Variants in AKAP6 observed in about 807,000 individuals in gnomAD.
AKAP6 encodes A-kinase anchoring protein 6.
A neutral mutation model predicts 188.5 loss-of-function variants in AKAP6; 58 were observed. That is an observed-to-expected ratio of 0.31 (90% CI 0.25 to 0.38). The LOEUF (loss-of-function observed/expected upper bound fraction) is 0.38, where lower values mean the gene tolerates loss of function less well. Among genes scored for constraint, AKAP6 ranks in the 10% least tolerant of loss-of-function variants. The probability of loss-of-function intolerance (pLI) is 1.00; values close to 1 mark genes in which losing one functional copy is unlikely to be tolerated. For missense variants in AKAP6, 2,710 were observed against 2,740.0 expected (o/e 0.99, Z 0.24); for synonymous variants, 989 against 998.6 (o/e 0.99, Z 0.18).
chr14:32,744,012 A>G (rs1425270407), intron 11 of AKAP6, among the ~76,000 whole-genome samples: 1 of 152,150 alleles, frequency 6.6e-6, no homozygotes, highest in East Asian at 1.9e-4. Context: ...GAAAGTCTCT[A>G]TTTCTACCTC....
At chr14:32,794,358 C>T (rs2033699457) in intron 12 of AKAP6, among the ~76,000 whole-genome samples, 1 of 152,072 alleles carries the variant, frequency 6.6e-6, no homozygotes, top group Non-Finnish European at 1.5e-5. Flanking sequence ...GCCAGGAGTT[C>T]AGACCAGCCT....
At chr14:32,497,000 T>A (rs908333515) in intron 2 of AKAP6, among the ~76,000 whole-genome samples, 6 of 152,168 alleles carry the variant, frequency 3.9e-5, no homozygotes, top group Non-Finnish European at 7.4e-5. Context: ...AAAGAACTTA[T>A]GTTTCTGCCA....
chr14:32,366,093 C>T (rs1594545069), intron 1 of AKAP6, among the ~76,000 whole-genome samples: 2 of 152,224 alleles, frequency 1.3e-5, no homozygotes, highest in Non-Finnish European at 2.9e-5. Context: ...ACACATTAAA[C>T]AGCAATCCAT....
chr14:32,783,068 C>T (rs2033300761), intron 12 of AKAP6, among the ~76,000 whole-genome samples: 1 of 151,924 alleles, frequency 6.6e-6, no homozygotes, highest in Non-Finnish European at 1.5e-5. Flanking sequence ...ACAAATACAT[C>T]AATGGAACAA....
At chr14:32,801,260 C>A (rs1186460868) in intron 12 of AKAP6, among the ~76,000 whole-genome samples, 1 of 151,538 alleles carries the variant, frequency 6.6e-6, no homozygotes, top group Non-Finnish European at 1.5e-5. Context: ...CATTTTATTT[C>A]ATTTCATTTT....
intron 7 of AKAP6, among the ~76,000 whole-genome samples, chr14:32,632,272 T>C (rs1887306468): frequency 6.6e-6 from 1 of 152,096 alleles, no homozygotes; most frequent in South Asian, 2.1e-4. Flanking sequence ...TAGGAGCTCT[T>C]GCTGTATAGG....
At chr14:32,629,078 G>A (rs147562855) in intron 7 of AKAP6, among the ~76,000 whole-genome samples, 18 of 152,090 alleles carry the variant, frequency 1.2e-4, no homozygotes, top group East Asian at 5.8e-4. Context: ...AGATAATTTC[G>A]AGGTTCATAA....
chr14:32,353,137 T>G (rs961920818), intron 1 of AKAP6, among the ~76,000 whole-genome samples: 1 of 152,184 alleles, frequency 6.6e-6, no homozygotes, highest in Non-Finnish European at 1.5e-5. Context: ...CACTTACCTA[T>G]AGAGAACAGT....
At chr14:32,683,420 C>T (rs960812898) in intron 8 of AKAP6, among the ~76,000 whole-genome samples, 2 of 152,124 alleles carry the variant, frequency 1.3e-5, no homozygotes, top group Non-Finnish European at 2.9e-5. Flanking sequence ...ATCAGTAAAC[C>T]TCAGTGGTCC....
intron 1 of AKAP6, among the ~76,000 whole-genome samples, chr14:32,337,046 T>C (rs1437191527): frequency 2.6e-5 from 4 of 152,214 alleles, no homozygotes; most frequent in Non-Finnish European, 4.4e-5. Context: ...TCTGTTTTTG[T>C]CTTTGTGTGA....
intron 8 of AKAP6, among the ~76,000 whole-genome samples, chr14:32,689,071 A>T (rs988077595): frequency 3.9e-5 from 6 of 152,238 alleles, no homozygotes; most frequent in East Asian, 3.9e-4. Context: ...TTTATCTTTT[A>T]AAAAAATCAT....
chr14:32,480,922 T>C (rs1035850291), intron 2 of AKAP6, among the ~76,000 whole-genome samples: 1 of 152,186 alleles, frequency 6.6e-6, no homozygotes, highest in South Asian at 2.1e-4. Context: ...GAAATACATA[T>C]TTCTTTCTGA....
chr14:32,394,653 G>T (rs1594572913), intron 1 of AKAP6, among the ~76,000 whole-genome samples: 1 of 152,112 alleles, frequency 6.6e-6, no homozygotes, highest in South Asian at 2.1e-4. Context: ...CACTCATACA[G>T]TTACTTCTGA....
At chr14:32,378,180 C>A (rs1888222062) in intron 1 of AKAP6, among the ~76,000 whole-genome samples, 1 of 81,960 alleles carries the variant, frequency 1.2e-5, no homozygotes, top group African/African-American at 3.9e-5. Context: ...ATTGTCATGG[C>A]TGCCATATTA....
intron 1 of AKAP6, among the ~76,000 whole-genome samples, chr14:32,366,849 C>G (rs1887851878): frequency 6.6e-6 from 1 of 152,048 alleles, no homozygotes; most frequent in Admixed American, 6.6e-5. Flanking sequence ...AGACTTGTCC[C>G]CCTCAGAGAA....
At chr14:32,570,626 C>T (rs1005428674) in intron 4 of AKAP6, among the ~76,000 whole-genome samples, 5 of 152,078 alleles carry the variant, frequency 3.3e-5, no homozygotes, top group African/African-American at 1.2e-4. Flanking sequence ...TATACTTTTC[C>T]GATTGTCCTC....
intron 2 of AKAP6, among the ~76,000 whole-genome samples, chr14:32,523,220 C>G (rs1881943874): frequency 6.6e-6 from 1 of 152,040 alleles, no homozygotes; most frequent in Non-Finnish European, 1.5e-5. Flanking sequence ...GGAGATATAC[C>G]TAATGTAAAT....
At chr14:32,690,986 CAT>C (rs1171170707) in intron 8 of AKAP6, among the ~76,000 whole-genome samples, 1 of 152,118 alleles carries the variant, frequency 6.6e-6, no homozygotes, top group Non-Finnish European at 1.5e-5. Context: ...GTAACATATT[CAT>C]AGAGTATTAC....
chr14:32,577,789 AGGGGAAGT>A (rs960483253), intron 5 of AKAP6, among the ~76,000 whole-genome samples: 2 of 152,106 alleles, frequency 1.3e-5, no homozygotes, highest in African/African-American at 4.8e-5. Context: ...AAAACCATGG[AGGGGAAGT>A]GGAAAACACT....
Sources: allele counts gnomAD v4.1 joint callset (sites outside exome capture counted in the v4.1 genomes callset), GRCh38; gene constraint gnomAD v4.1.1; transcripts MANE v1.5; gene names NCBI Gene and HGNC (gene_info 2026-07-23, HGNC 2026-07-21).